The following CFAP47 variants were observed in gnomAD, a reference collection of about 807,000 sequenced individuals.
CFAP47 encodes the protein cilia- and flagella-associated protein 47.
CFAP47 carries 29 observed loss-of-function variants against 148.1 expected under a neutral mutation model. That is an observed-to-expected ratio of 0.20 (90% CI 0.15 to 0.27). CFAP47 has a LOEUF of 0.27. CFAP47 is among the 10% of genes least tolerant of loss of function. CFAP47 has a pLI of 1.00. For synonymous variants in CFAP47, 664 were observed against 577.3 expected (o/e 1.15, Z -2.15); for missense variants, 1,872 against 1,697.5 (o/e 1.10, Z -1.81).
chrX:36,120,135 G>A (rs1183905827), intron 33 of CFAP47, among the ~76,000 whole-genome samples: 1 of 108,038 alleles, frequency 9.3e-6, no homozygotes, highest in Non-Finnish European at 1.9e-5. Context: ...CCGAGTATCT[G>A]GGACTACAGG....
intron 51 of CFAP47, among the ~76,000 whole-genome samples, chrX:36,290,916 G>T (rs1307341239): frequency 8.9e-6 from 1 of 112,059 alleles, no homozygotes; most frequent in Non-Finnish European, 1.9e-5. Flanking sequence ...CACTGGCTAG[G>T]CAGATTTTCT....
intron 21 of CFAP47, among the ~76,000 whole-genome samples, chrX:36,013,299 T>C (rs1937060710): frequency 1.8e-5 from 2 of 111,996 alleles, no homozygotes; most frequent in South Asian, 7.5e-4. Flanking sequence ...TAGCTCTGAG[T>C]GTTAATTGTT....
At chrX:36,116,295 T>C (rs1241067030) in intron 33 of CFAP47, among the ~76,000 whole-genome samples, 1 of 112,079 alleles carries the variant, frequency 8.9e-6, no homozygotes, top group Non-Finnish European at 1.9e-5. Flanking sequence ...TAGCTCCCAC[T>C]ACAAGTGAGA....
At chrX:35,988,641 G>C (rs772278381) in intron 15 of CFAP47, among the ~76,000 whole-genome samples, 2 of 111,539 alleles carry the variant, frequency 1.8e-5, no homozygotes, top group African/African-American at 6.5e-5. Flanking sequence ...TGAATCTCAG[G>C]GGCTTCTGCC....
At chrX:36,326,540 G>A (rs950569827) in intron 57 of CFAP47, among the ~76,000 whole-genome samples, 4 of 111,721 alleles carry the variant, frequency 3.6e-5, no homozygotes, top group African/African-American at 1.3e-4. Context: ...TCCAGGCTGA[G>A]GTGGTCTCAG....
chrX:36,077,310 G>A (rs756472077), intron 29 of CFAP47, among the ~76,000 whole-genome samples: 3 of 100,891 alleles, frequency 3.0e-5, no homozygotes, highest in South Asian at 5.0e-4. Context: ...TTGAAAAATA[G>A]CATTGGTAAT....
At chrX:36,175,835 C>G (rs758047028) in intron 39 of CFAP47, among the ~76,000 whole-genome samples, 84 of 113,576 alleles carry the variant, frequency 7.4e-4, no homozygotes, top group African/African-American at 2.5e-3. Context: ...CACCCAGTTC[C>G]AGCTTCCAGG....
chrX:36,108,716 A>G (rs1225166784), intron 33 of CFAP47, among the ~76,000 whole-genome samples: 1 of 110,728 alleles, frequency 9.0e-6, no homozygotes, highest in Non-Finnish European at 1.9e-5. Flanking sequence ...ACCATACCTT[A>G]TAACCATAAC....
chrX:36,285,687 A>G lies in CFAP47; in HGVS notation c.7647A>G (p.Gly2549=), dbSNP rs189641344. ...WYNLEIHSTP[G]PPIEIMEMTC... is the part of the protein sequence containing the mutation. ...ATCTTGAGATCCATAGCACTCCTGG[A>G]CCACCCATAGAGATTATGGAAATGA... is the stretch of plus-strand genomic sequence containing the variant. The change falls in exon 51 of 64, where the codon GGA becomes GGG. Residue 2549 remains glycine, a synonymous_variant. Coordinates refer to ENST00000378653, the MANE Select transcript of CFAP47 (RefSeq NM_001304548.2). 1,036 of 1,140,268 alleles carry G rather than the reference A, an allele frequency of 9.1e-4. 23 individuals are homozygous for G. The East Asian group carries it at 0.033, about 36-fold the overall frequency. 94.0% of individuals were successfully genotyped at this position (1,140,268 alleles called of 1,213,427 possible).
intron 49 of CFAP47, 99 bp from the exon 50 acceptor site, chrX:36,280,388 T>C (rs1941064969): frequency 6.0e-6 from 2 of 331,534 alleles, no homozygotes; most frequent in African/African-American, 2.7e-5. Flanking sequence ...TTTATATTTA[T>C]ATATCTTAAG....
chrX:36,192,241 G>A (rs1555986604), intron 42 of CFAP47, among the ~76,000 whole-genome samples: 1 of 111,181 alleles, frequency 9.0e-6, no homozygotes. Context: ...AGAAACCTAT[G>A]AAAGCCCTGA....
intron 48 of CFAP47, among the ~76,000 whole-genome samples, chrX:36,250,290 G>C (rs1399389270): frequency 1.8e-5 from 2 of 111,222 alleles, no homozygotes; most frequent in South Asian, 7.5e-4. Flanking sequence ...CCATTATGTT[G>C]AGTGAAGTAA....
chrX:36,095,728 A>G (rs1485280465), intron 30 of CFAP47, among the ~76,000 whole-genome samples: 2 of 110,653 alleles, frequency 1.8e-5, no homozygotes, highest in Non-Finnish European at 3.8e-5. Flanking sequence ...CTTCTTTATC[A>G]CCTCTGATTT....
At chrX:36,052,312 A>G (rs1937523067) in intron 26 of CFAP47, among the ~76,000 whole-genome samples, 1 of 112,241 alleles carries the variant, frequency 8.9e-6, no homozygotes, top group Non-Finnish European at 1.9e-5. Context: ...TCTTAAAAAT[A>G]ACTAACCACA....
In CFAP47 at chrX:36,152,138, G is replaced by T. The variant is rs183949054; in HGVS notation, c.5786+2915G>T. ...TCTCTTTTTTTTTAGCTTTATTGAGGTAAATTGGTAAATAAAAATTATATA... is the reference window on the plus strand; with the variant it reads ...TCTCTTTTTTTTTAGCTTTATTGAGTTAAATTGGTAAATAAAAATTATATA... On this transcript the variant is annotated intron_variant, in intron 37 of 63. Transcript: ENST00000378653. Among the ~76,000 whole-genome samples the T allele has an allele frequency of 3.3e-4, 37 of 110,448 alleles. 2 individuals carry two copies. The Admixed American group carries it at 3.5e-3, about 10-fold the overall frequency.
In CFAP47 at chrX:36,385,223, G is replaced by A. The variant is rs1556024998; in HGVS notation, c.*217G>A. On this transcript the variant is annotated 3_prime_UTR_variant, in exon 64 of 64. Transcript: ENST00000378653. Reference sequence around the variant, plus strand: ...ACATTGGAATTGGTTCACTTTTAAAGTGCAGGTGTATATTTGTGGTAAAAC... The same window carrying A: ...ACATTGGAATTGGTTCACTTTTAAAATGCAGGTGTATATTTGTGGTAAAAC... 5.8e-6 allele frequency: 2 copies of A among 345,639 alleles called. No individual in the cohort carries two copies. Among genetic ancestry groups the A allele is most frequent in the Non-Finnish European group, 1.0e-5 (2 of 199,688 alleles). 28.5% of individuals were successfully genotyped at this position (345,639 alleles called of 1,213,427 possible).
intron 2 of CFAP47, among the ~76,000 whole-genome samples, chrX:35,936,571 G>A (rs778215478): frequency 9.2e-6 from 1 of 108,758 alleles, no homozygotes; most frequent in South Asian, 4.0e-4. Flanking sequence ...TTCCTGATAT[G>A]ACAGGTGATT....
chrX:36,274,928 T>G (rs1940997697), intron 49 of CFAP47, among the ~76,000 whole-genome samples: 1 of 111,777 alleles, frequency 8.9e-6, no homozygotes, highest in Non-Finnish European at 1.9e-5. Context: ...GAGGAAGAGC[T>G]TTCTGTCTTA....
intron 33 of CFAP47, among the ~76,000 whole-genome samples, chrX:36,127,821 T>C (rs1038820546): frequency 9.0e-6 from 1 of 111,234 alleles, no homozygotes; most frequent in Non-Finnish European, 1.9e-5. Context: ...CCCTTGTAAG[T>C]TGGATTCCTA....
Sources: allele counts gnomAD v4.1 joint callset (sites outside exome capture counted in the v4.1 genomes callset), GRCh38; gene constraint gnomAD v4.1.1; transcripts MANE v1.5; gene names NCBI Gene and HGNC (gene_info 2026-07-23, HGNC 2026-07-21).